PRKACB: variants seen among roughly 807,000 people sequenced by gnomAD.
The protein encoded by PRKACB is protein kinase cAMP-activated catalytic subunit beta, also known as cAMP-dependent protein kinase catalytic subunit beta.
A neutral mutation model predicts 51.4 loss-of-function variants in PRKACB; 16 were observed. The observed-to-expected ratio is 0.31, with a 90% confidence interval of 0.21 to 0.47. The LOEUF (loss-of-function observed/expected upper bound fraction) is 0.47, where lower values mean the gene tolerates loss of function less well. Among genes scored for constraint, PRKACB ranks in the 20% least tolerant of loss-of-function variants. The pLI, the probability that PRKACB is intolerant of heterozygous loss-of-function variation, is 1.00. For missense variants in PRKACB, 309 were observed against 464.5 expected, an observed-to-expected ratio of 0.67 and a Z score of 3.08; for synonymous variants, 147 against 154.4, an observed-to-expected ratio of 0.95 and a Z score of 0.35.
chr1:84,099,911 C>T (rs1475633099), intron 1 of PRKACB, among the ~76,000 whole-genome samples: 4 of 152,062 alleles, frequency 2.6e-5, no homozygotes, highest in Non-Finnish European at 5.9e-5. Context: ...CTCATTTTAA[C>T]AAGTTATTTG....
At chr1:84,220,812 A>G (rs1322489484) in intron 9 of PRKACB, among the ~76,000 whole-genome samples, 6 of 152,004 alleles carry the variant, frequency 3.9e-5, no homozygotes, top group Admixed American at 2.0e-4. Flanking sequence ...GTTGTATTAT[A>G]TATTTGTTGT....
chr1:84,137,531 A>T (rs188278469), intron 1 of PRKACB, among the ~76,000 whole-genome samples: 50 of 152,332 alleles, frequency 3.3e-4, no homozygotes, highest in African/African-American at 1.2e-3. Context: ...TAGAAGGTTG[A>T]TGGATCTGAG....
chr1:84,209,516 C>T (rs1324584423), intron 8 of PRKACB, among the ~76,000 whole-genome samples: 1 of 152,144 alleles, frequency 6.6e-6, no homozygotes, highest in African/African-American at 2.4e-5. Flanking sequence ...TTAGAATTTA[C>T]AGAATTCAGC....
chr1:84,131,135 T>A (rs913829518), intron 1 of PRKACB, among the ~76,000 whole-genome samples: 4 of 152,058 alleles, frequency 2.6e-5, no homozygotes, highest in African/African-American at 9.7e-5. Flanking sequence ...GGCAGGGGGA[T>A]CACCTGAGGT....
intron 1 of PRKACB, among the ~76,000 whole-genome samples, chr1:84,160,021 G>T (rs1350877157): frequency 6.6e-6 from 1 of 152,036 alleles, no homozygotes; most frequent in Non-Finnish European, 1.5e-5. Flanking sequence ...GTTTGCAATG[G>T]ATATTGGTCT....
intron 5 of PRKACB, among the ~76,000 whole-genome samples, chr1:84,185,409 T>C (rs990080850): frequency 2.6e-5 from 4 of 151,800 alleles, no homozygotes; most frequent in African/African-American, 9.7e-5. Context: ...GTTATACTAC[T>C]GCTAGATATT....
upstream of PRKACB, among the ~76,000 whole-genome samples, chr1:84,142,195 C>T (rs76390479): frequency 6.6e-6 from 1 of 152,010 alleles, no homozygotes; most frequent in Non-Finnish European, 1.5e-5. Context: ...AAGTAACTCA[C>T]AATTTAGGGT....
At chr1:84,202,384 A>T (rs1473209536) in intron 7 of PRKACB, among the ~76,000 whole-genome samples, 1 of 152,086 alleles carries the variant, frequency 6.6e-6, no homozygotes, top group African/African-American at 2.4e-5. Context: ...AGCAAGAACT[A>T]AATTATACCA....
At chr1:84,134,618 T>G (rs1451996868) in intron 1 of PRKACB, among the ~76,000 whole-genome samples, 2 of 115,918 alleles carry the variant, frequency 1.7e-5, no homozygotes, top group African/African-American at 2.9e-5. Flanking sequence ...AGAGATAAGA[T>G]TAAATAGAAT....
At chr1:84,151,684 T>G (rs1654873969) in intron 1 of PRKACB, among the ~76,000 whole-genome samples, 1 of 152,216 alleles carries the variant, frequency 6.6e-6, no homozygotes, top group Admixed American at 6.5e-5. Context: ...AAGAAACTAC[T>G]TTCTTTGCTC....
chr1:84,235,101 A>AT, intron 9 of PRKACB, 79 bp from the exon 10 acceptor site: 1 of 1,445,822 alleles, frequency 6.9e-7, no homozygotes, highest in Non-Finnish European at 9.4e-7. Context: ...AACAGTGGGA[A>AT]TTTATTTTTC....
chr1:84,122,032 C>G (rs1651127749), intron 1 of PRKACB, among the ~76,000 whole-genome samples: 1 of 152,002 alleles, frequency 6.6e-6, no homozygotes, highest in African/African-American at 2.4e-5. Flanking sequence ...CTTATAAATC[C>G]TAGCAGATAG....
chr1:84,218,356 C>T (rs943379981), intron 9 of PRKACB, among the ~76,000 whole-genome samples: 2 of 152,162 alleles, frequency 1.3e-5, no homozygotes, highest in South Asian at 2.1e-4. Flanking sequence ...TCATTCTATA[C>T]GTTACCTCTA....
intron 1 of PRKACB, among the ~76,000 whole-genome samples, chr1:84,097,549 C>T (rs1401011547): frequency 1.3e-5 from 2 of 151,944 alleles, no homozygotes; most frequent in Non-Finnish European, 2.9e-5. Context: ...AATAAATCTC[C>T]TCTTACATAC....
chr1:84,113,094 CAT>C (rs1210078953), intron 1 of PRKACB, among the ~76,000 whole-genome samples: 11 of 152,174 alleles, frequency 7.2e-5, no homozygotes, highest in East Asian at 1.9e-4. Context: ...GATCAATTAA[CAT>C]ATGAAAATAT....
At chr1:84,078,905 G>A (rs575161486) in intron 1 of PRKACB, among the ~76,000 whole-genome samples, 76 of 152,284 alleles carry the variant, frequency 5.0e-4, no homozygotes, top group Non-Finnish European at 8.8e-4. Context: ...GATTAGGAAT[G>A]GAAAACATAA....
chr1:84,096,863 A>T (rs983032161), intron 1 of PRKACB, among the ~76,000 whole-genome samples: 4 of 152,062 alleles, frequency 2.6e-5, no homozygotes, highest in African/African-American at 9.7e-5. Context: ...TATGCAAATT[A>T]ACAGCATTCT....
At chr1:84,176,642 C>T (rs981326351) in intron 1 of PRKACB, among the ~76,000 whole-genome samples, 16 of 151,598 alleles carry the variant, frequency 1.1e-4, no homozygotes, top group Non-Finnish European at 2.2e-4. Flanking sequence ...CCTCATAGAA[C>T]TATTTAATAA....
chr1:84,207,342 A>G (rs1029914117), intron 8 of PRKACB, among the ~76,000 whole-genome samples: 1 of 152,188 alleles, frequency 6.6e-6, no homozygotes, highest in Non-Finnish European at 1.5e-5. Context: ...TGCAGTACCA[A>G]TATTTATAAA....
Sources: allele counts gnomAD v4.1 joint callset (sites outside exome capture counted in the v4.1 genomes callset), GRCh38; gene constraint gnomAD v4.1.1; transcripts MANE v1.5; gene names NCBI Gene and HGNC (gene_info 2026-07-23, HGNC 2026-07-21).